Variants in LRRK1 observed in about 807,000 individuals in gnomAD.
LRRK1 encodes leucine rich repeat kinase 1, also known as leucine-rich repeat serine/threonine-protein kinase 1.
In LRRK1, 113 loss-of-function variants were observed where a neutral mutation model predicts 209.1. The ratio of observed to expected loss-of-function variants is 0.54; its 90% CI spans 0.46 to 0.63. LRRK1 has a LOEUF of 0.63. Ranked by LOEUF, LRRK1 falls within the 30% of genes least tolerant of loss-of-function variation. The pLI is 0.00. For missense variants in LRRK1, 2,284 were observed against 2,632.2 expected, an observed-to-expected ratio of 0.87 and a Z score of 2.89; for synonymous variants, 1,144 against 1,099.7, an observed-to-expected ratio of 1.04 and a Z score of -0.80.
At position 101,027,793 on chromosome 15, in the gene LRRK1, G is replaced by A. The variant is rs770437046; in HGVS notation, c.2682G>A (p.Gln894=). 2.0e-5 allele frequency: 32 copies of A among 1,578,640 alleles called. No homozygotes were observed. In the South Asian group the frequency reaches 3.5e-4, roughly 17 times the overall value. ...DNDIKDYEDL[Q]SAISFLIETG... ...ACATCAAGGACTACGAGGACCTGCA[G>A]TCAGGTGGGTGGGGCTGGGGTAGGT... The change falls in exon 19 of 34, where the codon CAG becomes CAA. Residue 894 remains glutamine (Q), a synonymous_variant. Transcript: ENST00000388948. The surrounding 1 kb of genome is among the most constrained non-coding windows in gnomAD (Gnocchi z 5.1).
chr15:100,919,581 C>G lies in LRRK1; in HGVS notation c.-123+130C>G, dbSNP rs1385937114. On this transcript the variant is annotated intron_variant, in intron 1 of 33. Coordinates refer to ENST00000388948, the MANE Select transcript of LRRK1 (RefSeq NM_024652.6). The surrounding 1 kb of genome is among the most constrained non-coding windows in gnomAD (Gnocchi z 5.8). ...TGCCTGCCCGCGGGCCCCTGCGCTC[C>G]GGGCGGCCGCGTGGTCGGGCACGGG... 1 of 148,112 alleles carries G rather than the reference C, an allele frequency of 6.8e-6. No individual in the cohort carries two copies. The highest frequency in any genetic ancestry group is 1.5e-5 in the Non-Finnish European group (1 of 66,508). The allele number at this position is 148,112 out of a possible 1,614,324, so 9.2% of individuals were successfully genotyped here. A position where few individuals can be genotyped will look rare whatever the true frequency, so the allele number is the denominator to read the frequency against.
chr15:100,990,139 A>C (rs1792946476), intron 6 of LRRK1, among the ~76,000 whole-genome samples: 1 of 152,120 alleles, frequency 6.6e-6, no homozygotes, highest in South Asian at 2.1e-4. Context: ...TTAATTTCCC[A>C]TTTTAATAAC....
chr15:101,007,681 A>G (rs1451124382), intron 6 of LRRK1, among the ~76,000 whole-genome samples: 1 of 152,118 alleles, frequency 6.6e-6, no homozygotes, highest in Non-Finnish European at 1.5e-5. Flanking sequence ...GTCGTGGGGA[A>G]GCTGGGGGGC....
chr15:101,047,659 C>G (rs888082329), intron 21 of LRRK1, among the ~76,000 whole-genome samples: 1 of 152,208 alleles, frequency 6.6e-6, no homozygotes, highest in Non-Finnish European at 1.5e-5. Flanking sequence ...TCATCCATCA[C>G]ATTAGCAAAA....
At chr15:101,013,354 C>T (rs754034443) in intron 10 of LRRK1, among the ~76,000 whole-genome samples, 13 of 152,256 alleles carry the variant, frequency 8.5e-5, no homozygotes, top group Non-Finnish European at 7.4e-5. Context: ...CTCCTGAGGC[C>T]GCCCTGGTTG....
At position 101,054,946 on chromosome 15, in the gene LRRK1, A is replaced by T. The variant is rs55727462; in HGVS notation, c.4055A>T (p.Asp1352Val). The T allele has an allele frequency of 2.5e-6, 4 of 1,570,156 alleles. No homozygotes were observed. In the East Asian group the frequency reaches 6.8e-5, roughly 27 times the overall value. The change falls in exon 27 of 34, where the codon GAT becomes GTT. Residue 1352 changes from aspartate to valine, a missense_variant and splice_region_variant. By Grantham distance (152) the Asp-to-Val change is radical. This residue lies in a region of LRRK1 where 780 missense variants were observed against 985.2 expected (regional missense o/e 0.79). Coordinates refer to ENST00000388948, the MANE Select transcript of LRRK1 (RefSeq NM_024652.6). ...LNTVLSENAR[D>V]SSFIPLGHML... ...TTTGAAAATTGTTTTTCTTTGCAAG[A>T]TTCTTCCTTTATACCCCTGGGACAC...
intron 2 of LRRK1, among the ~76,000 whole-genome samples, chr15:100,963,310 G>C (rs2030207053): frequency 6.6e-6 from 1 of 152,078 alleles, no homozygotes; most frequent in Non-Finnish European, 1.5e-5. Flanking sequence ...GCACCAGCAG[G>C]TATTAACTTA....
intron 2 of LRRK1, among the ~76,000 whole-genome samples, chr15:100,945,648 C>T (rs1380647531): frequency 6.6e-6 from 1 of 151,850 alleles, no homozygotes; most frequent in African/African-American, 2.4e-5. Context: ...CGCCCACCAA[C>T]ACACTGGCTA....
chr15:101,072,974 T>C lies in LRRK1; in HGVS notation c.*4126T>C. 6.1e-6 allele frequency: 1 copy of C among 164,676 alleles called. No individual in the cohort carries two copies. The highest frequency in any genetic ancestry group is 1.3e-5 in the Non-Finnish European group (1 of 77,556). 10.2% of individuals were successfully genotyped at this position (164,676 alleles called of 1,614,324 possible). A position where few individuals can be genotyped will look rare whatever the true frequency, so the allele number is the denominator to read the frequency against. On this transcript the variant is annotated 3_prime_UTR_variant, in exon 34 of 34. Coordinates refer to ENST00000388948, the MANE Select transcript of LRRK1 (RefSeq NM_024652.6). ...GGGGGGAGGGGGGGGGGAACCTCCCTTGGGAGATCAATCCCCTGTCCTCCT... is the reference window on the plus strand; with the variant it reads ...GGGGGGAGGGGGGGGGGAACCTCCCCTGGGAGATCAATCCCCTGTCCTCCT...
At position 101,073,735 on chromosome 15, in the gene LRRK1, C is replaced by T. The variant is rs2036885079; in HGVS notation, c.*4887C>T. The T allele has an allele frequency of 6.6e-6, 1 of 152,048 alleles. No homozygotes were observed. Among genetic ancestry groups the T allele is most frequent in the East Asian group, 1.9e-4 (1 of 5,178 alleles). The allele number at this position is 152,048 out of a possible 1,614,324, so 9.4% of individuals were successfully genotyped here. ...CCACTTTTCTGGAGAGTAAGAACCC[C>T]TGAACCGCTTCTCTCCGTGTCTCTA... On this transcript the variant is annotated 3_prime_UTR_variant, in exon 34 of 34. Transcript: ENST00000388948.
At chr15:100,964,944 A>G (rs2030359318) in intron 2 of LRRK1, among the ~76,000 whole-genome samples, 1 of 152,252 alleles carries the variant, frequency 6.6e-6, no homozygotes, top group African/African-American at 2.4e-5. Flanking sequence ...TGATTGGGAC[A>G]GGAGTGATGA....
chr15:101,000,386 T>C (rs1426367856), intron 6 of LRRK1, among the ~76,000 whole-genome samples: 1 of 152,254 alleles, frequency 6.6e-6, no homozygotes, highest in Non-Finnish European at 1.5e-5. Context: ...GTCAATGGAA[T>C]GTTCCCAGCT....
At chr15:100,976,912 G>T (rs1295469785) in intron 3 of LRRK1, among the ~76,000 whole-genome samples, 13 of 152,296 alleles carry the variant, frequency 8.5e-5, no homozygotes, top group South Asian at 6.2e-4. Context: ...GTAACTTAAT[G>T]TAATAAGTGC....
intron 12 of LRRK1, among the ~76,000 whole-genome samples, chr15:101,017,032 A>T (rs1407927547): frequency 6.6e-6 from 1 of 152,210 alleles, no homozygotes; most frequent in Non-Finnish European, 1.5e-5. Flanking sequence ...TCATTAAACA[A>T]CCAGCTCTGC....
intron 9 of LRRK1, among the ~76,000 whole-genome samples, chr15:101,011,584 ATGTG>A (rs10675651): frequency 2.0e-5 from 3 of 150,722 alleles, no homozygotes; most frequent in African/African-American, 4.9e-5. Context: ...AGCATGAAGA[ATGTG>A]TGTGTGTGTG....
chr15:101,008,505 G>GACAACCCC (rs914816528), intron 6 of LRRK1, among the ~76,000 whole-genome samples: 1 of 152,138 alleles, frequency 6.6e-6, no homozygotes, highest in Non-Finnish European at 1.5e-5. Context: ...TCTGTACGTG[G>GACAACCCC]ACAATCCCGC....
Position 100,945,482 on chromosome 15 carries a change from C to CTTTTTTTT in LRRK1, c.97+20777_97+20784dup, listed in dbSNP as rs34038990. On this transcript the variant is annotated intron_variant, in intron 2 of 33. Coordinates refer to ENST00000388948, the MANE Select transcript of LRRK1 (RefSeq NM_024652.6). ...TTTAAAAACTATCTCTGCAGAGCCT[C>CTTTTTTTT]TTTTTTTTTTTTTTTTTTTTTTTTT... is the stretch of plus-strand genomic sequence containing the variant. Among the ~76,000 whole-genome samples the CTTTTTTTT allele has an allele frequency of 1.7e-4, 11 of 63,608 alleles. 2 individuals carry two copies. Among genetic ancestry groups the CTTTTTTTT allele is most frequent in the African/African-American group, 3.3e-4 (5 of 15,360 alleles). The allele number at this position is 63,608 out of a possible 152,430, so 41.7% of individuals were successfully genotyped here. A position where few individuals can be genotyped will look rare whatever the true frequency, so the allele number is the denominator to read the frequency against.
chr15:101,033,096 CT>C (rs1442683058), intron 20 of LRRK1, among the ~76,000 whole-genome samples: 1 of 152,138 alleles, frequency 6.6e-6, no homozygotes, highest in Non-Finnish European at 1.5e-5. Context: ...AATCCATTTT[CT>C]TATCTTTTCC....
intron 17 of LRRK1, among the ~76,000 whole-genome samples, chr15:101,026,702 G>A (rs1241541142): frequency 6.6e-6 from 1 of 152,252 alleles, no homozygotes; most frequent in Non-Finnish European, 1.5e-5. Context: ...AGGTGAAGAA[G>A]ATGAGGTTCA....
Sources: gnomAD v4.1 joint callset for allele counts (sites outside exome capture counted in the v4.1 genomes callset) on GRCh38, gnomAD v4.1.1 for gene constraint, gnomAD v4.1.1 regional missense constraint, Gnocchi (gnomAD v3.1) non-coding constraint, MANE v1.5 for transcripts, NCBI Gene and HGNC (gene_info 2026-07-23, HGNC 2026-07-21) for gene names.